The following TLN2 variants were observed in gnomAD, a reference collection of about 807,000 sequenced individuals.
The protein encoded by TLN2 is talin-2.
TLN2 carries 118 observed loss-of-function variants against 294.7 expected under a neutral mutation model. That is an observed-to-expected ratio of 0.40 (90% confidence interval 0.34 to 0.47). The LOEUF is 0.47. Ranked by LOEUF, TLN2 falls within the 20% of genes least tolerant of loss-of-function variation. The pLI, the probability that TLN2 is intolerant of heterozygous loss-of-function variation, is 0.84. For synonymous variants in TLN2, 1,431 were observed against 1,304.5 expected (o/e 1.10, Z -2.09); for missense variants, 3,083 against 3,282.2 (o/e 0.94, Z 1.48).
intron 1 of TLN2, among the ~76,000 whole-genome samples, chr15:62,497,411 A>G (rs186078070): frequency 6.6e-6 from 1 of 152,262 alleles, no homozygotes; most frequent in Non-Finnish European, 1.5e-5. Flanking sequence ...CCTTAGTTAG[A>G]TCCTCTCTGG....
chr15:62,812,558 A>AG (rs1303848379), intron 52 of TLN2, among the ~76,000 whole-genome samples: 4 of 152,160 alleles, frequency 2.6e-5, no homozygotes, highest in Non-Finnish European at 5.9e-5. Flanking sequence ...CTTCGTAAGG[A>AG]AGGGCAGGTG....
At position 62,567,878 on chromosome 15, in the gene TLN2, A is replaced by G. The variant is rs144169378; in HGVS notation, c.-237-21809A>G. The stretch of plus-strand genomic sequence containing the variant: ...TGAGGGGACCTTGCTTGAATGTGAA[A>G]TGTGTAGGCTTGTGGCACATCATGA... On this transcript the variant is annotated intron_variant, in intron 1 of 58. Coordinates refer to ENST00000636159, the MANE Select transcript of TLN2 (RefSeq NM_015059.3). Among the ~76,000 whole-genome samples, 48 of 152,086 alleles carry G rather than the reference A, an allele frequency of 3.2e-4. No homozygotes were observed. The East Asian group carries it at 8.9e-3, about 28-fold the overall frequency.
intron 28 of TLN2, among the ~76,000 whole-genome samples, chr15:62,732,486 A>G (rs770765622): frequency 6.6e-6 from 1 of 152,252 alleles, no homozygotes; most frequent in Non-Finnish European, 1.5e-5. Flanking sequence ...AAGTTAGGCC[A>G]GGGTCAGATC....
At chr15:62,791,839 G>A (rs200595708) in intron 45 of TLN2, among the ~76,000 whole-genome samples, 191 of 152,314 alleles carry the variant, frequency 1.3e-3, no homozygotes, top group African/African-American at 4.3e-3. Context: ...AAACAGGGCC[G>A]GAGGAATGCA....
intron 12 of TLN2, among the ~76,000 whole-genome samples, chr15:62,689,317 T>C (rs2057575558): frequency 1.3e-5 from 2 of 152,176 alleles, no homozygotes; most frequent in African/African-American, 4.8e-5. Context: ...AGTATAATTA[T>C]TTAAATATTT....
chr15:62,671,161 T>C (rs1271558510), intron 9 of TLN2, among the ~76,000 whole-genome samples: 1 of 152,252 alleles, frequency 6.6e-6, no homozygotes. Context: ...TAAAGGTTTT[T>C]TATATATTCT....
At chr15:62,702,673 A>G in intron 18 of TLN2, 93 bp from the exon 19 acceptor site, 6 of 1,305,768 alleles carry the variant, frequency 4.6e-6, no homozygotes, top group Non-Finnish European at 6.6e-6. Flanking sequence ...AAGGGAGCAA[A>G]TTCTGTGAGA....
At chr15:62,814,245 TCG>T in intron 52 of TLN2, among the ~76,000 whole-genome samples, 1 of 152,332 alleles carries the variant, frequency 6.6e-6, no homozygotes, top group Admixed American at 6.5e-5. Flanking sequence ...TCAGAAATAT[TCG>T]CTGAAAGAAG....
intron 1 of TLN2, among the ~76,000 whole-genome samples, chr15:62,476,748 A>C (rs894292294): frequency 1.3e-5 from 2 of 152,204 alleles, no homozygotes; most frequent in Non-Finnish European, 2.9e-5. Context: ...GCCTGCCTTT[A>C]CTGGCCTTCG....
intron 2 of TLN2, among the ~76,000 whole-genome samples, chr15:62,596,756 T>A (rs572675174): frequency 4.3e-4 from 63 of 146,608 alleles, no homozygotes; most frequent in African/African-American, 6.2e-4. Context: ...AAAAAAAAAA[T>A]AATAATAACT....
At chr15:62,558,959 G>A (rs745442551) in intron 1 of TLN2, among the ~76,000 whole-genome samples, 4 of 152,228 alleles carry the variant, frequency 2.6e-5, no homozygotes, top group Non-Finnish European at 5.9e-5. Context: ...GGAGAGCAGA[G>A]AAGCTTTCCT....
chr15:62,833,287 G>C (rs570220242), intron 54 of TLN2: 4 of 567,260 alleles, frequency 7.1e-6, no homozygotes, highest in South Asian at 2.6e-5. Context: ...ACTGTGACCC[G>C]AGGGTGGCTT....
chr15:62,609,769 G>T (rs986323887), intron 2 of TLN2, among the ~76,000 whole-genome samples: 1 of 152,148 alleles, frequency 6.6e-6, no homozygotes, highest in African/African-American at 2.4e-5. Context: ...CTCTGGAAAG[G>T]TTATTCTCTT....
At chr15:62,534,260 G>A (rs898850528) in intron 1 of TLN2, among the ~76,000 whole-genome samples, 2 of 152,106 alleles carry the variant, frequency 1.3e-5, no homozygotes, top group African/African-American at 4.8e-5. Context: ...ATAGTGTCAG[G>A]TCCTACAGGT....
At chr15:62,540,762 G>C (rs373259035) in intron 1 of TLN2, among the ~76,000 whole-genome samples, 52 of 152,268 alleles carry the variant, frequency 3.4e-4, no homozygotes, top group African/African-American at 1.2e-3. Context: ...GCCTTAGTCA[G>C]GGGATTCACT....
chr15:62,839,822 C>T (rs1288654643), intron 58 of TLN2, among the ~76,000 whole-genome samples: 1 of 152,184 alleles, frequency 6.6e-6, no homozygotes, highest in Non-Finnish European at 1.5e-5. Context: ...GGGCTCTGAT[C>T]AAATAACACT....
At chr15:62,516,331 A>G (rs1168489241) in intron 1 of TLN2, among the ~76,000 whole-genome samples, 1 of 152,224 alleles carries the variant, frequency 6.6e-6, no homozygotes, top group Non-Finnish European at 1.5e-5. Flanking sequence ...TGCAAATGAC[A>G]TACAGCATCC....
At chr15:62,471,900 C>T (rs1273164402) in intron 1 of TLN2, among the ~76,000 whole-genome samples, 1 of 152,172 alleles carries the variant, frequency 6.6e-6, no homozygotes, top group Non-Finnish European at 1.5e-5. Context: ...GGGGCAGAGG[C>T]AGAGGGATTC....
At chr15:62,440,199 T>C (rs1223106734) in intron 1 of TLN2, among the ~76,000 whole-genome samples, 1 of 152,248 alleles carries the variant, frequency 6.6e-6, no homozygotes, top group Non-Finnish European at 1.5e-5. Flanking sequence ...AGTCTCAGTT[T>C]GGGCCTCTCA....
Sources: gnomAD v4.1 joint callset for allele counts (sites outside exome capture counted in the v4.1 genomes callset) on GRCh38, gnomAD v4.1.1 for gene constraint, MANE v1.5 for transcripts, NCBI Gene and HGNC (gene_info 2026-07-23, HGNC 2026-07-21) for gene names.